TMPRSS15: variants seen among roughly 807,000 people sequenced by gnomAD.
TMPRSS15 encodes transmembrane serine protease 15.
In TMPRSS15, 128 loss-of-function variants were observed where a neutral mutation model predicts 125.3. That is an observed-to-expected ratio of 1.02 (90% CI 0.89 to 1.18). The LOEUF (loss-of-function observed/expected upper bound fraction) is 1.18. Ranked by LOEUF, TMPRSS15 falls within the 50% of genes most tolerant of loss-of-function variation. TMPRSS15 has a pLI of 0.00. For missense variants in TMPRSS15, 1,283 were observed against 1,212.7 expected (o/e 1.06, Z -0.86); for synonymous variants, 446 against 423.2 (o/e 1.05, Z -0.66).
chr21:18,481,259 A>G (rs8128855), intron 1 of TMPRSS15, among the ~76,000 whole-genome samples: 85 of 151,902 alleles, frequency 5.6e-4, no homozygotes, highest in African/African-American at 2.0e-3. Flanking sequence ...CTGAGCTTCT[A>G]TTGACTTACT....
Position 18,371,239 on chromosome 21 carries a change from T to A in TMPRSS15, c.664+954A>T, listed in dbSNP as rs1218420543. 2.0e-5 allele frequency among the ~76,000 whole-genome samples: 3 copies of A among 152,180 alleles called. No individual in the cohort carries two copies. The East Asian group carries it at 5.8e-4, about 29-fold the overall frequency. On this transcript the variant is annotated intron_variant, in intron 6 of 24. Transcript: ENST00000284885. The stretch of plus-strand genomic sequence containing the variant: ...AGAACAATTATAACAATACTCAGAA[T>A]GATGTGCAATTTTATACTTATACAT...
At chr21:18,394,016 G>T (rs1410655280) in intron 3 of TMPRSS15, among the ~76,000 whole-genome samples, 1 of 152,116 alleles carries the variant, frequency 6.6e-6, no homozygotes, top group African/African-American at 2.4e-5. Flanking sequence ...GCGAGCAAAT[G>T]AATGGATGAC....
intron 3 of TMPRSS15, 119 bp downstream of exon 3, chr21:18,397,759 CA>C: frequency 1.7e-6 from 1 of 583,858 alleles, no homozygotes; most frequent in Non-Finnish European, 3.0e-6. Context: ...GCTTAATCCT[CA>C]AAAAATGTTG....
intron 6 of TMPRSS15, among the ~76,000 whole-genome samples, chr21:18,365,683 C>CTTCCT (rs1555904824): frequency 7.7e-6 from 1 of 129,232 alleles, no homozygotes; most frequent in Admixed American, 8.6e-5. Flanking sequence ...TCCTTCCTTC[C>CTTCCT]TTCCTTCCTT....
chr21:18,306,754 T>C (rs2075043631), intron 18 of TMPRSS15, among the ~76,000 whole-genome samples: 1 of 152,100 alleles, frequency 6.6e-6, no homozygotes, highest in Admixed American at 6.6e-5. Flanking sequence ...TGCTATTTGC[T>C]AGGAAATACC....
chr21:18,483,768 A>G (rs554994789), intron 1 of TMPRSS15, among the ~76,000 whole-genome samples: 1 of 152,046 alleles, frequency 6.6e-6, no homozygotes, highest in Admixed American at 6.6e-5. Context: ...CATTTATACA[A>G]AAAATGCACA....
At chr21:18,295,887 T>C (rs1472252345) in intron 19 of TMPRSS15, among the ~76,000 whole-genome samples, 1 of 152,194 alleles carries the variant, frequency 6.6e-6, no homozygotes, top group Admixed American at 6.5e-5. Flanking sequence ...GCGCGGTGGC[T>C]CACGCCTGTA....
intron 23 of TMPRSS15, among the ~76,000 whole-genome samples, chr21:18,275,571 A>C (rs556602224): frequency 6.6e-6 from 1 of 152,328 alleles, no homozygotes; most frequent in Admixed American, 6.5e-5. Context: ...GGCTAGTAGG[A>C]GCGATGGATT....
intron 8 of TMPRSS15, among the ~76,000 whole-genome samples, chr21:18,355,037 C>A (rs934662463): frequency 2.6e-5 from 4 of 151,804 alleles, no homozygotes; most frequent in African/African-American, 9.7e-5. Context: ...TGATTCACAT[C>A]TTAATGTTTT....
chr21:18,293,297 C>A (rs1201970430), intron 21 of TMPRSS15, among the ~76,000 whole-genome samples: 1 of 152,162 alleles, frequency 6.6e-6, no homozygotes, highest in Non-Finnish European at 1.5e-5. Context: ...TTAACTACGG[C>A]TGCCTCGTCC....
intron 21 of TMPRSS15, among the ~76,000 whole-genome samples, chr21:18,290,675 C>T (rs879674896): frequency 4.0e-5 from 6 of 151,810 alleles, no homozygotes; most frequent in Non-Finnish European, 7.4e-5. Flanking sequence ...AACATGCAAA[C>T]AAAATAAAGA....
chr21:18,372,402 A>C (rs918679644), intron 5 of TMPRSS15, 78 bp from the exon 6 acceptor site: 2 of 1,330,970 alleles, frequency 1.5e-6, no homozygotes, highest in Non-Finnish European at 2.1e-6. Flanking sequence ...CCTTTTTGCC[A>C]CTGGGGTTCT....
intron 5 of TMPRSS15, among the ~76,000 whole-genome samples, chr21:18,377,115 T>A (rs1479563784): frequency 3.3e-5 from 5 of 152,156 alleles, no homozygotes. Context: ...CAAGGATGAC[T>A]GGGCATTTAT....
chr21:18,391,602 T>C (rs139622146), intron 3 of TMPRSS15, among the ~76,000 whole-genome samples: 1 of 152,318 alleles, frequency 6.6e-6, no homozygotes, highest in African/African-American at 2.4e-5. Context: ...ACTGGCTGCT[T>C]TCACAGCTGG....
chr21:18,279,094 G>T, intron 22 of TMPRSS15, 35 bp from the exon 23 acceptor site: 3 of 1,091,124 alleles, frequency 2.7e-6, no homozygotes, highest in Non-Finnish European at 4.2e-6. Flanking sequence ...ACGAACAAAC[G>T]AAGAAAAAGA....
chr21:18,346,215 A>C (rs7279017), intron 10 of TMPRSS15, among the ~76,000 whole-genome samples: 6,063 of 152,250 alleles, frequency 0.04, 400 homozygotes, highest in African/African-American at 0.14. Context: ...TTTGCAGTTT[A>C]CATAAAACTG....
chr21:18,347,723 A>AT (rs375461248), intron 10 of TMPRSS15, among the ~76,000 whole-genome samples: 7 of 152,068 alleles, frequency 4.6e-5, no homozygotes, highest in Non-Finnish European at 7.4e-5. Flanking sequence ...AACTGAAGAG[A>AT]TTTTTTCATA....
chr21:18,304,896 C>T (rs1025319237), intron 18 of TMPRSS15, among the ~76,000 whole-genome samples: 1 of 152,008 alleles, frequency 6.6e-6, no homozygotes, highest in Admixed American at 6.5e-5. Flanking sequence ...TTATTAATTT[C>T]CTGGCAACAA....
At chr21:18,407,196 G>A (rs2076154050), upstream of TMPRSS15, among the ~76,000 whole-genome samples, 1 of 152,058 alleles carries the variant, frequency 6.6e-6, no homozygotes, top group East Asian at 1.9e-4. Flanking sequence ...AGAACAACAA[G>A]GTGTATTTGT....
Sources: gnomAD v4.1 joint callset for allele counts (sites outside exome capture counted in the v4.1 genomes callset) on GRCh38, gnomAD v4.1.1 for gene constraint, MANE v1.5 for transcripts, NCBI Gene and HGNC (gene_info 2026-07-23, HGNC 2026-07-21) for gene names.